MCPH1: variants seen among roughly 807,000 people sequenced by gnomAD.
MCPH1 encodes microcephalin.
MCPH1 carries 104 observed loss-of-function variants against 84.5 expected under a neutral mutation model. That is an observed-to-expected ratio of 1.23 (90% CI 1.05 to 1.45). MCPH1 has a LOEUF of 1.45. MCPH1 is among the 40% of genes most tolerant of loss of function. The pLI, the probability that MCPH1 is intolerant of heterozygous loss-of-function variation, is 0.00. For missense variants in MCPH1, 1,498 were observed against 1,005.7 expected (o/e 1.49, Z -6.62); for synonymous variants, 514 against 366.8 (o/e 1.40, Z -4.58).
chr8:6,499,803 G>T, intron 11 of MCPH1, 49 bp from the exon 12 acceptor site: 1 of 1,539,622 alleles, frequency 6.5e-7, no homozygotes. Context: ...TTTATTGCCT[G>T]CTAAGGCTAA....
chr8:6,636,987 A>G (rs1797602780), intron 13 of MCPH1, among the ~76,000 whole-genome samples: 1 of 152,222 alleles, frequency 6.6e-6, no homozygotes, highest in Non-Finnish European at 1.5e-5. Flanking sequence ...CTAGAGAAGT[A>G]TCAGCGATGT....
In MCPH1 at chr8:6,628,867, C is replaced by A. The variant is rs567885803; in HGVS notation, c.2452+7176C>A. ...GTTTTAGGCTGTCTTTGCTTACTGA[C>A]CGACTTAATTCATGCTTTGGGTTAT... is the stretch of plus-strand genomic sequence containing the variant. On this transcript the variant is annotated intron_variant, in intron 13 of 13. Transcript: ENST00000344683. Among the ~76,000 whole-genome samples, 4 of 152,324 alleles carry A rather than the reference C, an allele frequency of 2.6e-5. No homozygotes were observed. In the South Asian group the frequency reaches 6.2e-4, roughly 24 times the overall value.
intron 6 of MCPH1, among the ~76,000 whole-genome samples, chr8:6,439,462 C>G (rs1377709708): frequency 6.7e-6 from 1 of 150,152 alleles, no homozygotes; most frequent in Non-Finnish European, 1.5e-5. Flanking sequence ...GCGATCTGGG[C>G]TCACTGCAAC....
chr8:6,547,289 T>G (rs941847800), intron 12 of MCPH1, among the ~76,000 whole-genome samples: 4 of 152,100 alleles, frequency 2.6e-5, no homozygotes, highest in Admixed American at 1.3e-4. Flanking sequence ...ATGCTTGTGG[T>G]AAAAGTACAG....
At chr8:6,594,075 G>A (rs557525144) in intron 12 of MCPH1, among the ~76,000 whole-genome samples, 1 of 152,116 alleles carries the variant, frequency 6.6e-6, no homozygotes, top group Admixed American at 6.5e-5. Flanking sequence ...TTGGTGTTTT[G>A]ACAGCTGGCT....
intron 12 of MCPH1, among the ~76,000 whole-genome samples, chr8:6,609,603 G>A (rs1033092048): frequency 3.3e-5 from 5 of 152,222 alleles, no homozygotes; most frequent in Non-Finnish European, 7.3e-5. Flanking sequence ...TCGTCATGGA[G>A]AACAGAAAGT....
intron 11 of MCPH1, among the ~76,000 whole-genome samples, chr8:6,491,605 C>G (rs1478214035): frequency 2.6e-5 from 4 of 151,932 alleles, no homozygotes; most frequent in Admixed American, 2.0e-4. Flanking sequence ...AGGTATATCT[C>G]CTAATGCTAT....
At chr8:6,477,035 G>T (rs1018413740) in intron 9 of MCPH1, among the ~76,000 whole-genome samples, 1 of 138,928 alleles carries the variant, frequency 7.2e-6, no homozygotes. Flanking sequence ...TCTTAGATAA[G>T]CAAAAAAAAA....
rs901749462 is a variant in MCPH1 at position 6,642,660 on chromosome 8, T to C, written c.2453-334T>C. The C allele has an allele frequency of 5.0e-5, 21 of 416,050 alleles. No individual in the cohort carries two copies. The Admixed American group carries it at 7.4e-4, about 15-fold the overall frequency. The allele number at this position is 416,050 out of a possible 1,614,324, so 25.8% of individuals were successfully genotyped here. A position where few individuals can be genotyped will look rare whatever the true frequency, so the allele number is the denominator to read the frequency against. ...GAAGTGGTGAGCTAAGATTAGAAAT[T>C]CTTGGCTCCTATGTCACAGACTGGC... is the stretch of plus-strand genomic sequence containing the variant. On this transcript the variant is annotated intron_variant, in intron 13 of 13. Transcript: ENST00000344683.
intron 11 of MCPH1, among the ~76,000 whole-genome samples, chr8:6,495,244 C>T (rs1015494764): frequency 6.6e-6 from 1 of 152,202 alleles, no homozygotes; most frequent in Non-Finnish European, 1.5e-5. Flanking sequence ...GAAATAACTT[C>T]ATTGCTACAC....
rs973997941 is a variant in MCPH1, at chr8:6,408,308, A to C, written c.23-971A>C. ...CAGTGATGTGATCACATAATAGCTCAAGCAATTCTGCTTCAGCCTCCTGAG... is the reference window on the plus strand; with the variant it reads ...CAGTGATGTGATCACATAATAGCTCCAGCAATTCTGCTTCAGCCTCCTGAG... On this transcript the variant is annotated intron_variant, in intron 1 of 13. Coordinates refer to ENST00000344683, the MANE Select transcript of MCPH1 (RefSeq NM_024596.5). 7.3e-5 allele frequency among the ~76,000 whole-genome samples: 11 copies of C among 151,132 alleles called. No homozygotes were observed. The South Asian group carries it at 2.1e-3, about 29-fold the overall frequency.
rs139018534 is a variant in MCPH1 at position 6,446,500 on chromosome 8, T to TTA, written c.1825+955_1825+956dup. The TTA allele has an allele frequency of 3.1e-3, 3,030 of 984,806 alleles. 64 individuals are homozygous for TTA. In the African/African-American group the frequency reaches 0.047, roughly 15 times the overall value. 61.0% of individuals were successfully genotyped at this position (984,806 alleles called of 1,614,324 possible). On this transcript the variant is annotated intron_variant, in intron 8 of 13. Transcript: ENST00000344683. Reference sequence around the variant, plus strand: ...TTTCACAAAAAGAATGAAAATAATTTTATGTTTTTGGCCTGCTATTTATAT... The same window carrying TTA: ...TTTCACAAAAAGAATGAAAATAATTTTATATGTTTTTGGCCTGCTATTTATAT...
intron 3 of MCPH1, among the ~76,000 whole-genome samples, chr8:6,423,531 TTATA>T (rs1200819454): frequency 1.3e-5 from 2 of 152,192 alleles, no homozygotes; most frequent in Non-Finnish European, 2.9e-5. Flanking sequence ...GCATCCCACT[TTATA>T]TATATAAGAA....
At chr8:6,520,087 T>C in intron 12 of MCPH1, 1 of 1,436,276 alleles carries the variant, frequency 7.0e-7, no homozygotes, top group Middle Eastern at 1.9e-4. Context: ...TTTTATTACT[T>C]TGGAATTCTT....
At chr8:6,640,677 A>T (rs1364705084) in intron 13 of MCPH1, among the ~76,000 whole-genome samples, 1 of 152,218 alleles carries the variant, frequency 6.6e-6, no homozygotes, top group South Asian at 2.1e-4. Context: ...ATTTTTAACT[A>T]TTATTTTTTA....
intron 12 of MCPH1, among the ~76,000 whole-genome samples, chr8:6,558,102 A>G (rs952817093): frequency 6.6e-6 from 1 of 151,944 alleles, no homozygotes. Flanking sequence ...CTTCCTTCCA[A>G]CCTCTCGTCA....
chr8:6,561,970 G>A (rs372900026), intron 12 of MCPH1, among the ~76,000 whole-genome samples: 2 of 152,250 alleles, frequency 1.3e-5, no homozygotes, highest in South Asian at 2.1e-4. Flanking sequence ...GACGCATTCC[G>A]CACCGGTTGC....
At chr8:6,628,725 G>A (rs553579491) in intron 13 of MCPH1, among the ~76,000 whole-genome samples, 2 of 152,320 alleles carry the variant, frequency 1.3e-5, no homozygotes, top group East Asian at 1.9e-4. Flanking sequence ...AAACACTCCC[G>A]TGCTTGGGGT....
intron 12 of MCPH1, among the ~76,000 whole-genome samples, chr8:6,535,351 G>T (rs1183613918): frequency 2.0e-5 from 3 of 152,100 alleles, no homozygotes; most frequent in Non-Finnish European, 4.4e-5. Context: ...TAGGAACTTT[G>T]AAAGACATAC....
Sources: allele counts gnomAD v4.1 joint callset (sites outside exome capture counted in the v4.1 genomes callset), GRCh38; gene constraint gnomAD v4.1.1; transcripts MANE v1.5; gene names NCBI Gene and HGNC (gene_info 2026-07-23, HGNC 2026-07-21).